Variants in LRBA observed in about 807,000 individuals in gnomAD.
The protein encoded by LRBA is LPS responsive beige-like anchor protein.
In LRBA, 176 loss-of-function variants were observed where a neutral mutation model predicts 330.0. That is an observed-to-expected ratio of 0.53 (90% CI 0.47 to 0.60). The LOEUF (loss-of-function observed/expected upper bound fraction) is 0.60, where lower values mean the gene tolerates loss of function less well. LRBA is among the 20% of genes least tolerant of loss of function. The pLI is 0.00. For missense variants in LRBA, 3,259 were observed against 3,444.8 expected, an observed-to-expected ratio of 0.95 and a Z score of 1.35; for synonymous variants, 1,230 against 1,193.0, an observed-to-expected ratio of 1.03 and a Z score of -0.64.
intron 44 of LRBA, among the ~76,000 whole-genome samples, chr4:150,462,027 T>C (rs1336160510): frequency 6.6e-6 from 1 of 151,822 alleles, no homozygotes; most frequent in African/African-American, 2.4e-5. Flanking sequence ...TTTTATGGTA[T>C]GACATTTTGT....
intron 33 of LRBA, among the ~76,000 whole-genome samples, chr4:150,800,024 C>T (rs964746270): frequency 1.7e-4 from 26 of 152,164 alleles, no homozygotes; most frequent in Admixed American, 5.2e-4. Context: ...GGATTACAGG[C>T]GTGAGCCACC....
At chr4:150,316,675 G>A (rs749416918) in intron 50 of LRBA, among the ~76,000 whole-genome samples, 11 of 152,170 alleles carry the variant, frequency 7.2e-5, no homozygotes, top group Non-Finnish European at 1.5e-4. Context: ...ATTGATACCG[G>A]TGGGCTAGGG....
intron 47 of LRBA, among the ~76,000 whole-genome samples, chr4:150,351,917 T>A (rs1338442535): frequency 1.3e-5 from 2 of 152,176 alleles, no homozygotes; most frequent in African/African-American, 2.4e-5. Context: ...AATGATATAC[T>A]GTAAAGAAAA....
intron 39 of LRBA, among the ~76,000 whole-genome samples, chr4:150,588,964 T>C (rs570196090): frequency 6.6e-6 from 1 of 152,054 alleles, no homozygotes; most frequent in East Asian, 1.9e-4. Context: ...CAGAACAGCA[T>C]AATGTGTATT....
At chr4:150,342,501 T>C (rs1581063519) in intron 48 of LRBA, among the ~76,000 whole-genome samples, 1 of 152,316 alleles carries the variant, frequency 6.6e-6, no homozygotes, top group African/African-American at 2.4e-5. Context: ...GTGTGATATA[T>C]GTAAATGCAG....
chr4:150,288,537 C>T (rs1051122988), intron 53 of LRBA, among the ~76,000 whole-genome samples: 8 of 151,954 alleles, frequency 5.3e-5, no homozygotes, highest in African/African-American at 1.9e-4. Context: ...TGCAGTGAGC[C>T]GAGATCACGC....
chr4:150,606,038 G>T (rs1221490896), intron 37 of LRBA, among the ~76,000 whole-genome samples: 1 of 151,946 alleles, frequency 6.6e-6, no homozygotes, highest in African/African-American at 2.4e-5. Context: ...TATGTAATTA[G>T]GAATTTCTGC....
intron 52 of LRBA, among the ~76,000 whole-genome samples, chr4:150,305,711 GGGTT>G (rs1411296478): frequency 6.6e-6 from 1 of 152,136 alleles, no homozygotes; most frequent in Non-Finnish European, 1.5e-5. Flanking sequence ...TACATCTAAA[GGGTT>G]TTATATGTTA....
intron 47 of LRBA, among the ~76,000 whole-genome samples, chr4:150,398,896 G>C (rs1178740466): frequency 6.6e-6 from 1 of 151,968 alleles, no homozygotes; most frequent in East Asian, 1.9e-4. Flanking sequence ...CAGAGTGCCG[G>C]GATTTACAGG....
At chr4:150,844,497 T>C (rs1471477900) in intron 27 of LRBA, among the ~76,000 whole-genome samples, 161 bp downstream of exon 27, 1 of 152,142 alleles carries the variant, frequency 6.6e-6, no homozygotes, top group Non-Finnish European at 1.5e-5. Context: ...AAATCTTTAT[T>C]GTGTATTTAA....
chr4:150,517,611 G>C (rs1197110944), intron 40 of LRBA, among the ~76,000 whole-genome samples: 1 of 152,074 alleles, frequency 6.6e-6, no homozygotes, highest in African/African-American at 2.4e-5. Context: ...ATGCATAAAA[G>C]TAAAATGCAC....
intron 28 of LRBA, among the ~76,000 whole-genome samples, chr4:150,843,174 A>T (rs956112258): frequency 2.0e-5 from 3 of 152,294 alleles, no homozygotes; most frequent in African/African-American, 7.2e-5. Context: ...TGATAAGAGC[A>T]TCCAGTATCA....
chr4:150,689,030 T>C (rs1582051942), intron 36 of LRBA, among the ~76,000 whole-genome samples: 1 of 152,130 alleles, frequency 6.6e-6, no homozygotes, highest in African/African-American at 2.4e-5. Context: ...TGCGGCACTA[T>C]ACACAACAGC....
At chr4:150,354,082 A>G (rs1737511541) in intron 47 of LRBA, among the ~76,000 whole-genome samples, 2 of 152,118 alleles carry the variant, frequency 1.3e-5, no homozygotes, top group African/African-American at 4.8e-5. Flanking sequence ...GGGGAGAGAG[A>G]AGGACAGGCA....
rs1560933469 is a variant in LRBA at position 150,265,829 on chromosome 4, G to A, written c.8469-17C>T. 3 of 1,530,766 alleles carry A rather than the reference G, an allele frequency of 2.0e-6. No homozygotes were observed. Among genetic ancestry groups the A allele is most frequent in the Non-Finnish European group, 2.7e-6 (3 of 1,104,276 alleles). 94.8% of individuals were successfully genotyped at this position (1,530,766 alleles called of 1,614,324 possible). A position where few individuals can be genotyped will look rare whatever the true frequency, so the allele number is the denominator to read the frequency against. On this transcript the variant is annotated splice_polypyrimidine_tract_variant and intron_variant, in intron 56 of 56. Coordinates refer to ENST00000651943, the MANE Select transcript of LRBA (RefSeq NM_001364905.1). ...ATGATGCACCTAGGAGAAGCACAGA[G>A]AGAAGGACTTTTACAAACCTGTGTG...
chr4:150,265,648 A>G lies in LRBA; in HGVS notation c.*74T>C. The G allele has an allele frequency of 2.1e-6, 2 of 940,420 alleles. No individual in the cohort carries two copies. Among genetic ancestry groups the G allele is most frequent in the East Asian group, 2.4e-5 (1 of 41,584 alleles). 58.3% of individuals were successfully genotyped at this position (940,420 alleles called of 1,614,324 possible). A position where few individuals can be genotyped will look rare whatever the true frequency, so the allele number is the denominator to read the frequency against. ...TTGAGCAAATTTAAGTTACATTCAG[A>G]TGTGGTAGAAGAGAATGATGCTCCA... On this transcript the variant is annotated 3_prime_UTR_variant, in exon 57 of 57. Transcript: ENST00000651943.
chr4:150,613,613 G>A (rs917277490), intron 37 of LRBA, among the ~76,000 whole-genome samples: 4 of 152,328 alleles, frequency 2.6e-5, no homozygotes, highest in Admixed American at 6.5e-5. Context: ...TAAAACCTAT[G>A]TGTGATTTTT....
At chr4:150,457,650 C>T (rs1164998803) in intron 44 of LRBA, among the ~76,000 whole-genome samples, 3 of 151,620 alleles carry the variant, frequency 2.0e-5, no homozygotes, top group Non-Finnish European at 4.4e-5. Flanking sequence ...CTACTAAATT[C>T]ACTTTCTATA....
chr4:150,662,803 C>T (rs920346138), intron 37 of LRBA, among the ~76,000 whole-genome samples: 5 of 151,838 alleles, frequency 3.3e-5, no homozygotes, highest in African/African-American at 4.8e-5. Flanking sequence ...TCTGTCTCTA[C>T]AAAAAAATTA....
Sources: gnomAD v4.1 joint callset for allele counts (sites outside exome capture counted in the v4.1 genomes callset) on GRCh38, gnomAD v4.1.1 for gene constraint, MANE v1.5 for transcripts, NCBI Gene and HGNC (gene_info 2026-07-23, HGNC 2026-07-21) for gene names.